The following PSMA1 variants were observed in gnomAD, a reference collection of about 807,000 sequenced individuals.
PSMA1 encodes proteasome subunit alpha type-1.
PSMA1 carries 3 observed loss-of-function variants against 38.4 expected under a neutral mutation model. The observed-to-expected ratio is 0.08, with a 90% CI of 0.04 to 0.20. The LOEUF is 0.20. Ranked by LOEUF, PSMA1 falls within the 10% of genes least tolerant of loss-of-function variation. The pLI is 1.00. For synonymous variants in PSMA1, 101 were observed against 107.1 expected (o/e 0.94, Z 0.35); for missense variants, 227 against 325.3 (o/e 0.70, Z 2.32).
chr11:14,607,887 AG>A (rs1328727245), intron 2 of PSMA1, among the ~76,000 whole-genome samples: 1 of 152,194 alleles, frequency 6.6e-6, no homozygotes, highest in Non-Finnish European at 1.5e-5. Context: ...AGCAGCTAGC[AG>A]GAAGTGTGGC....
chr11:14,585,544 T>G (rs1852334445), intron 2 of PSMA1, among the ~76,000 whole-genome samples: 1 of 152,186 alleles, frequency 6.6e-6, no homozygotes, highest in Non-Finnish European at 1.5e-5. Flanking sequence ...TAAGCCTATG[T>G]TCTCAGTAAC....
At chr11:14,517,152 T>G (rs1486810742) in intron 4 of PSMA1, among the ~76,000 whole-genome samples, 1 of 152,218 alleles carries the variant, frequency 6.6e-6, no homozygotes, top group African/African-American at 2.4e-5. Flanking sequence ...ATAGATAAAC[T>G]ACATTTGAGT....
At chr11:14,628,419 T>A (rs1427690624) in intron 1 of PSMA1, among the ~76,000 whole-genome samples, 1 of 147,818 alleles carries the variant, frequency 6.8e-6, no homozygotes, top group Non-Finnish European at 1.5e-5. Context: ...ATGCGGTGTT[T>A]GGTTTTTTGT....
chr11:14,546,672 A>C (rs1171387136), intron 2 of PSMA1, among the ~76,000 whole-genome samples: 1 of 152,124 alleles, frequency 6.6e-6, no homozygotes, highest in Non-Finnish European at 1.5e-5. Context: ...TCCTGACCTC[A>C]CAATCTGCCC....
intron 2 of PSMA1, among the ~76,000 whole-genome samples, chr11:14,557,293 A>G (rs1758762119): frequency 1.3e-5 from 2 of 152,074 alleles, no homozygotes; most frequent in African/African-American, 4.8e-5. Flanking sequence ...GCTGGAGTGC[A>G]GTAGTGTGAT....
intron 2 of PSMA1, among the ~76,000 whole-genome samples, chr11:14,526,033 C>G (rs570037486): frequency 1.3e-5 from 2 of 152,282 alleles, no homozygotes; most frequent in South Asian, 4.1e-4. Flanking sequence ...GCTCAAATTT[C>G]TTCTCCATCC....
chr11:14,577,419 A>G (rs1001478449), intron 2 of PSMA1, among the ~76,000 whole-genome samples: 2 of 152,070 alleles, frequency 1.3e-5, no homozygotes, highest in African/African-American at 2.4e-5. Context: ...TCTCCTTCCA[A>G]TGATGATCTT....
intron 2 of PSMA1, among the ~76,000 whole-genome samples, chr11:14,582,413 T>A (rs1358598416): frequency 6.6e-6 from 1 of 152,150 alleles, no homozygotes; most frequent in Non-Finnish European, 1.5e-5. Context: ...TAAGCTTTGT[T>A]AGTTTCACAA....
At chr11:14,520,578 C>T, upstream of PSMA1, 9 of 976,530 alleles carry the variant, frequency 9.2e-6, no homozygotes, top group Non-Finnish European at 1.2e-5. Context: ...AGCTGCGGGG[C>T]AGCCCCTGTC....
rs75762835 is a variant in PSMA1, at chr11:14,534,636, A to C, written c.22-15595T>G. Among the ~76,000 whole-genome samples the C allele has an allele frequency of 2.7e-5, 4 of 147,158 alleles. No individual in the cohort carries two copies. The highest frequency in any genetic ancestry group is 6.0e-5 in the Non-Finnish European group (4 of 66,430). On this transcript the variant is annotated intron_variant, in intron 2 of 10. Coordinates refer to the PSMA1 transcript ENST00000418988. This position sits in a 1 kb window ranked among gnomAD's most constrained non-coding sequence, Gnocchi z 4.5. Reference sequence around the variant, plus strand: ...ACAGGAGTGAGCCACTGTGCTGACCATTTTTTTTTTAATTACTGTGTTTTT... The same window carrying C: ...ACAGGAGTGAGCCACTGTGCTGACCCTTTTTTTTTTAATTACTGTGTTTTT...
At chr11:14,589,367 G>A (rs922409295) in intron 2 of PSMA1, among the ~76,000 whole-genome samples, 10 of 147,318 alleles carry the variant, frequency 6.8e-5, no homozygotes, top group African/African-American at 1.0e-4. Flanking sequence ...ATATATATAT[G>A]TGTGTGTGTG....
At chr11:14,592,949 G>C (rs961194040) in intron 2 of PSMA1, among the ~76,000 whole-genome samples, 2 of 151,962 alleles carry the variant, frequency 1.3e-5, no homozygotes, top group Non-Finnish European at 2.9e-5. Flanking sequence ...CATATTACTT[G>C]TCATTATCTG....
At chr11:14,568,628 C>A (rs1447275458) in intron 2 of PSMA1, among the ~76,000 whole-genome samples, 1 of 152,192 alleles carries the variant, frequency 6.6e-6, no homozygotes, top group Non-Finnish European at 1.5e-5. Flanking sequence ...AGTGTCCTTA[C>A]AAAATCAAGC....
At chr11:14,518,030 A>C in intron 2 of PSMA1, 49 bp from the exon 3 acceptor site, 1 of 1,354,716 alleles carries the variant, frequency 7.4e-7, no homozygotes, top group Non-Finnish European at 1.0e-6. Flanking sequence ...ATCTTTTATA[A>C]ATTAAAAATT....
At chr11:14,514,640 A>T in intron 4 of PSMA1, 149 bp from the exon 5 acceptor site, 3 of 606,862 alleles carry the variant, frequency 4.9e-6, no homozygotes, top group Non-Finnish European at 7.9e-6. Flanking sequence ...ACATGCCTGC[A>T]AGGGTGCGTT....
At chr11:14,632,150 C>T (rs550574693) in intron 1 of PSMA1, among the ~76,000 whole-genome samples, 2 of 144,366 alleles carry the variant, frequency 1.4e-5, no homozygotes, top group South Asian at 2.2e-4. Context: ...TTAATTGGAG[C>T]ATTTAGTCCA....
At position 14,598,279 on chromosome 11, in the gene PSMA1, C is replaced by A. The variant is rs545099482; in HGVS notation, c.21+12687G>T. Among the ~76,000 whole-genome samples, 42 of 152,224 alleles carry A rather than the reference C, an allele frequency of 2.8e-4. 1 individual carries two copies. In the South Asian group the frequency reaches 6.2e-3, roughly 23 times the overall value. ...ACTATAAGGTCCGCTTGGTGCAGAG[C>A]TGAGTTCAATTTCTGGATATGCTTG... On this transcript the variant is annotated intron_variant, in intron 2 of 10. Transcript: ENST00000418988.
At chr11:14,535,189 T>C (rs1851690588) in intron 2 of PSMA1, among the ~76,000 whole-genome samples, 1 of 150,850 alleles carries the variant, frequency 6.6e-6, no homozygotes, top group Non-Finnish European at 1.5e-5. Flanking sequence ...CAGCTAACAC[T>C]TGGAATAGAG....
At chr11:14,559,997 G>T (rs1482212757) in intron 2 of PSMA1, among the ~76,000 whole-genome samples, 2 of 152,168 alleles carry the variant, frequency 1.3e-5, no homozygotes, top group African/African-American at 4.8e-5. Context: ...CTGCTTTGAA[G>T]CAAAGAAGGC....
Sources: gnomAD v4.1 joint callset for allele counts (sites outside exome capture counted in the v4.1 genomes callset) on GRCh38, gnomAD v4.1.1 for gene constraint, Gnocchi (gnomAD v3.1) non-coding constraint, MANE v1.5 for transcripts, NCBI Gene and HGNC (gene_info 2026-07-23, HGNC 2026-07-21) for gene names.